The following SCFD1 variants were observed in gnomAD, a reference collection of about 807,000 sequenced individuals.
The protein encoded by SCFD1 is sec1 family domain-containing protein 1.
In SCFD1, 37 loss-of-function variants were observed where a neutral mutation model predicts 103.2. The observed-to-expected ratio is 0.36, with a 90% CI of 0.28 to 0.47. SCFD1 has a LOEUF of 0.47. Ranked by LOEUF, SCFD1 falls within the 20% of genes least tolerant of loss-of-function variation. The pLI, the probability that SCFD1 is intolerant of heterozygous loss-of-function variation, is 1.00. For synonymous variants in SCFD1, 264 were observed against 245.0 expected (o/e 1.08, Z -0.73); for missense variants, 639 against 761.2 (o/e 0.84, Z 1.89).
At chr14:30,718,610 C>T in intron 20 of SCFD1, among the ~76,000 whole-genome samples, 1 of 152,188 alleles carries the variant, frequency 6.6e-6, no homozygotes, top group East Asian at 1.9e-4. Flanking sequence ...CTAAGTTAGA[C>T]CTGATAAATA....
Position 30,633,941 on chromosome 14 carries a change from T to C in SCFD1, c.222-6T>C. The stretch of plus-strand genomic sequence containing the variant: ...AAAATAAGTTTTAGTTCCTTATGTC[T>C]TCTAGGCTTTTACACTCTGATCGAG... On this transcript the variant is annotated splice_region_variant and splice_polypyrimidine_tract_variant and intron_variant, in intron 3 of 24. Coordinates refer to ENST00000458591, the MANE Select transcript of SCFD1 (RefSeq NM_016106.4). The C allele has an allele frequency of 6.4e-7, 1 of 1,552,972 alleles. No individual in the cohort carries two copies. Among genetic ancestry groups the C allele is most frequent in the Non-Finnish European group, 8.8e-7 (1 of 1,139,736 alleles).
chr14:30,623,508 A>C (rs1286798755), intron 1 of SCFD1, among the ~76,000 whole-genome samples: 1 of 152,202 alleles, frequency 6.6e-6, no homozygotes, highest in Non-Finnish European at 1.5e-5. Context: ...AGGGAAGTTC[A>C]AATAAGATTT....
chr14:30,635,415 C>T (rs1884622602), intron 4 of SCFD1, among the ~76,000 whole-genome samples: 1 of 152,108 alleles, frequency 6.6e-6, no homozygotes, highest in African/African-American at 2.4e-5. Context: ...TTTATCACAT[C>T]CTCAACCCTC....
chr14:30,659,192 C>CTTTTT (rs1887202750), intron 10 of SCFD1, among the ~76,000 whole-genome samples: 1 of 130,466 alleles, frequency 7.7e-6, no homozygotes, highest in Non-Finnish European at 1.6e-5. Context: ...TTTTTTTTTG[C>CTTTTT]CTTATATTCT....
intron 4 of SCFD1, among the ~76,000 whole-genome samples, chr14:30,634,495 A>G (rs547579137): frequency 1.3e-5 from 2 of 152,320 alleles, no homozygotes; most frequent in East Asian, 1.9e-4. Context: ...GAAAAAACAT[A>G]TACGGTTCAG....
intron 21 of SCFD1, 93 bp from the exon 22 acceptor site, chr14:30,721,791 C>G: frequency 9.8e-7 from 1 of 1,020,558 alleles, no homozygotes; most frequent in Non-Finnish European, 1.5e-6. Context: ...TAAATACTTA[C>G]CTAATAGTGC....
intron 1 of SCFD1, among the ~76,000 whole-genome samples, chr14:30,626,270 T>G (rs902387433): frequency 6.6e-6 from 1 of 152,072 alleles, no homozygotes; most frequent in Non-Finnish European, 1.5e-5. Flanking sequence ...GGCTGGACAT[T>G]AGGTAATAAC....
intron 8 of SCFD1, 79 bp from the exon 9 acceptor site, chr14:30,650,486 A>T: frequency 1.2e-6 from 1 of 830,130 alleles, no homozygotes; most frequent in Non-Finnish European, 2.0e-6. Flanking sequence ...TTGGTTATGA[A>T]ACTAAAAACA....
intron 7 of SCFD1, among the ~76,000 whole-genome samples, chr14:30,645,518 A>G (rs889568744): frequency 5.9e-5 from 9 of 151,836 alleles, no homozygotes; most frequent in African/African-American, 2.2e-4. Context: ...TCGTTTCGTA[A>G]TTCTTGTTGT....
intron 10 of SCFD1, among the ~76,000 whole-genome samples, chr14:30,656,399 A>T (rs1391892963): frequency 6.6e-6 from 1 of 152,166 alleles, no homozygotes; most frequent in East Asian, 1.9e-4. Context: ...GGATTTCTCA[A>T]CCTTGGCATT....
rs556621011 is a variant in SCFD1, at chr14:30,645,611, G to T, written c.613+2206G>T. Among the ~76,000 whole-genome samples the T allele has an allele frequency of 5.3e-5, 8 of 152,164 alleles. No homozygotes were observed. The East Asian group carries it at 9.7e-4, about 18-fold the overall frequency. On this transcript the variant is annotated intron_variant, in intron 7 of 24. Coordinates refer to ENST00000458591, the MANE Select transcript of SCFD1 (RefSeq NM_016106.4). Reference sequence around the variant, plus strand: ...CTATTGTGAATGGGATTGCATTTTTGATTTGGCTCTCAGCTTGGATATTAT... The same window carrying T: ...CTATTGTGAATGGGATTGCATTTTTTATTTGGCTCTCAGCTTGGATATTAT...
At chr14:30,682,255 C>G (rs1889546272) in intron 14 of SCFD1, among the ~76,000 whole-genome samples, 1 of 151,986 alleles carries the variant, frequency 6.6e-6, no homozygotes, top group Non-Finnish European at 1.5e-5. Context: ...GTATACTGTC[C>G]CATCTGTGTA....
chr14:30,673,277 A>T lies in SCFD1; in HGVS notation c.1016A>T (p.Glu339Val). The T allele has an allele frequency of 6.3e-7, 1 of 1,595,756 alleles. No homozygotes were observed. Among genetic ancestry groups the T allele is most frequent in the Admixed American group, 1.7e-5 (1 of 57,638 alleles). ...TTTAGTCCATTCCCAGAAGTTGCAGAATCAGTTCAGCAAGAACTAGAATCT... is the reference window on the plus strand; with the variant it reads ...TTTAGTCCATTCCCAGAAGTTGCAGTATCAGTTCAGCAAGAACTAGAATCT... ...HKGSPFPEVA[E>V]SVQQELESYR... Residue 339 changes from glutamate to valine, a missense_variant, in exon 12 of 25, where the codon GAA becomes GTA. Transcript: ENST00000458591.
intron 23 of SCFD1, among the ~76,000 whole-genome samples, chr14:30,725,061 A>G (rs895064904): frequency 6.6e-6 from 1 of 152,160 alleles, no homozygotes; most frequent in East Asian, 1.9e-4. Flanking sequence ...TTGTACCAGT[A>G]GCATGCTGTT....
intron 23 of SCFD1, among the ~76,000 whole-genome samples, chr14:30,732,169 G>A (rs989371927): frequency 4.6e-5 from 7 of 152,032 alleles, no homozygotes; most frequent in South Asian, 2.1e-4. Flanking sequence ...TTGATCTTAC[G>A]TTTCACAGCC....
rs1566645899 is a variant in SCFD1 at position 30,703,945 on chromosome 14, ATATATATATATATATATAAAT to A, written c.1490+1571_1490+1591del. Among the ~76,000 whole-genome samples the A allele has an allele frequency of 2.4e-3, 150 of 61,256 alleles. 3 individuals carry two copies. The highest frequency in any genetic ancestry group is 3.3e-3 in the African/African-American group (19 of 5,696). 40.2% of individuals were successfully genotyped at this position (61,256 alleles called of 152,430 possible). A position where few individuals can be genotyped will look rare whatever the true frequency, so the allele number is the denominator to read the frequency against. On this transcript the variant is annotated intron_variant, in intron 17 of 24. Coordinates refer to ENST00000458591, the MANE Select transcript of SCFD1 (RefSeq NM_016106.4). ...TATATATATATATATATATATATAT[ATATATATATATATATATAAAT>A]AATGAGATATCTTGGGGATGGGACC...
intron 14 of SCFD1, chr14:30,683,281 A>G (rs534641749): frequency 1.1e-6 from 1 of 932,306 alleles, no homozygotes; most frequent in South Asian, 1.6e-5. Context: ...CTGGGTGTCC[A>G]CACTGGGATA....
intron 2 of SCFD1, among the ~76,000 whole-genome samples, chr14:30,629,142 C>A (rs1474293939): frequency 6.6e-6 from 1 of 152,090 alleles, no homozygotes; most frequent in Non-Finnish European, 1.5e-5. Flanking sequence ...TTGAGAATTT[C>A]TTGGGTACAA....
intron 17 of SCFD1, among the ~76,000 whole-genome samples, chr14:30,702,897 A>T (rs1230342301): frequency 6.6e-6 from 1 of 152,136 alleles, no homozygotes; most frequent in Non-Finnish European, 1.5e-5. Context: ...AAGACTTTAG[A>T]CACAATTGTA....
Sources: allele counts gnomAD v4.1 joint callset (sites outside exome capture counted in the v4.1 genomes callset), GRCh38; gene constraint gnomAD v4.1.1; transcripts MANE v1.5; gene names NCBI Gene and HGNC (gene_info 2026-07-23, HGNC 2026-07-21).